Variants in DNAJB6 observed in about 807,000 individuals in gnomAD.
DNAJB6 encodes the protein dnaJ homolog subfamily B member 6.
DNAJB6 carries 16 observed loss-of-function variants against 42.7 expected under a neutral mutation model. That is an observed-to-expected ratio of 0.37 (90% CI 0.25 to 0.57). The LOEUF (loss-of-function observed/expected upper bound fraction) is 0.57. Among genes scored for constraint, DNAJB6 ranks in the 20% least tolerant of loss-of-function variants. The pLI is 0.74. For missense variants in DNAJB6, 347 were observed against 416.8 expected, an observed-to-expected ratio of 0.83 and a Z score of 1.46; for synonymous variants, 170 against 163.5, an observed-to-expected ratio of 1.04 and a Z score of -0.30.
intron 6 of DNAJB6, among the ~76,000 whole-genome samples, chr7:157,384,038 C>T (rs1800925072): frequency 6.6e-6 from 1 of 152,128 alleles, no homozygotes; most frequent in African/African-American, 2.4e-5. Flanking sequence ...AGTATCTGCG[C>T]TTAGATGATT....
Position 157,356,430 on chromosome 7 carries a change from C to T in DNAJB6, c.-26-2117C>T, listed in dbSNP as rs559518497. Among the ~76,000 whole-genome samples, 10 of 152,300 alleles carry T rather than the reference C, an allele frequency of 6.6e-5. 1 individual carries two copies. In the South Asian group the frequency reaches 1.0e-3, roughly 16 times the overall value. On this transcript the variant is annotated intron_variant, in intron 1 of 9. Coordinates refer to ENST00000262177, the MANE Select transcript of DNAJB6 (RefSeq NM_058246.4). ...AAGAAGATTGCGGTGTTCCTACTTA[C>T]GGGAGTCGACTCCTGTCTTTTCTCT...
chr7:157,379,352 A>G (rs1200727410), intron 5 of DNAJB6: 2 of 152,260 alleles, frequency 1.3e-5, no homozygotes, highest in African/African-American at 4.8e-5. Flanking sequence ...CCAATGTTTT[A>G]GCATTGATAA....
At chr7:157,341,266 A>T (rs1798365427) in intron 1 of DNAJB6, among the ~76,000 whole-genome samples, 1 of 151,982 alleles carries the variant, frequency 6.6e-6, no homozygotes, top group Non-Finnish European at 1.5e-5. Flanking sequence ...CTGTGATTAC[A>T]GGCACCTGCC....
At chr7:157,409,768 GCT>G (rs945781215) in intron 8 of DNAJB6, 25 bp from the exon 9 acceptor site, 51 of 1,502,970 alleles carry the variant, frequency 3.4e-5, no homozygotes, top group African/African-American at 5.6e-5. Flanking sequence ...CTCACTCACG[GCT>G]CTCTCTCTCC....
intron 8 of DNAJB6, among the ~76,000 whole-genome samples, chr7:157,386,711 CT>C (rs1801079133): frequency 6.6e-6 from 1 of 152,028 alleles, no homozygotes; most frequent in South Asian, 2.1e-4. Flanking sequence ...GGTGAAACCC[CT>C]GTCTCTACTA....
chr7:157,416,880 AAGG>A lies in DNAJB6; in HGVS notation c.*786_*788del, dbSNP rs1382670162. On this transcript the variant is annotated 3_prime_UTR_variant, in exon 10 of 10. Transcript: ENST00000262177. The stretch of plus-strand genomic sequence containing the variant: ...CGCGCAAAACACCCAGAGACGGCAC[AAGG>A]AGGTTGAACTCATGTTTCAGTTCGC... 4 of 152,232 alleles carry A rather than the reference AAGG, an allele frequency of 2.6e-5. No individual in the cohort carries two copies. The highest frequency in any genetic ancestry group is 1.5e-5 in the Non-Finnish European group (1 of 68,044). The allele number at this position is 152,232 out of a possible 1,614,324, so 9.4% of individuals were successfully genotyped here. A position where few individuals can be genotyped will look rare whatever the true frequency, so the allele number is the denominator to read the frequency against.
intron 8 of DNAJB6, among the ~76,000 whole-genome samples, chr7:157,389,591 T>C (rs1801239280): frequency 6.6e-6 from 1 of 152,232 alleles, no homozygotes. Flanking sequence ...TATTCCTAGC[T>C]GTTCTAGGGA....
intron 8 of DNAJB6, among the ~76,000 whole-genome samples, chr7:157,395,946 AAT>A (rs201900394): frequency 1.6e-3 from 60 of 38,240 alleles, no homozygotes; most frequent in African/African-American, 3.9e-3. Context: ...TTGAGCCTGT[AAT>A]TTTTTTTTTT....
At position 157,341,281 on chromosome 7, in the gene DNAJB6, C is replaced by A. The variant is rs1357598639; in HGVS notation, c.-27+4137C>A. Among the ~76,000 whole-genome samples the A allele has an allele frequency of 2.6e-5, 4 of 152,128 alleles. No individual in the cohort carries two copies. The South Asian group carries it at 6.2e-4, about 24-fold the overall frequency. On this transcript the variant is annotated intron_variant, in intron 1 of 9. Transcript: ENST00000262177. ...CTGTGATTACAGGCACCTGCCACTG[C>A]TCCCGACTGATTTTTGTATTTTTAG...
At chr7:157,382,550 T>C in intron 6 of DNAJB6, 173 bp downstream of exon 6, 1 of 439,368 alleles carries the variant, frequency 2.3e-6, no homozygotes, top group Non-Finnish European at 3.8e-6. Flanking sequence ...CTACATTTTC[T>C]CCTAATCTTC....
chr7:157,386,597 C>T (rs533090075), intron 8 of DNAJB6, among the ~76,000 whole-genome samples: 5 of 132,558 alleles, frequency 3.8e-5, no homozygotes, highest in Admixed American at 8.2e-5. Flanking sequence ...AGATCACTTA[C>T]GGATCCGGGC....
chr7:157,341,627 A>G (rs1043304860), intron 1 of DNAJB6, among the ~76,000 whole-genome samples: 2 of 152,214 alleles, frequency 1.3e-5, no homozygotes, highest in Non-Finnish European at 2.9e-5. Flanking sequence ...ACTGTGTACT[A>G]ATACTTATTC....
At chr7:157,350,664 C>T (rs772028149) in intron 1 of DNAJB6, among the ~76,000 whole-genome samples, 9 of 151,320 alleles carry the variant, frequency 5.9e-5, no homozygotes, top group Non-Finnish European at 1.2e-4. Flanking sequence ...GCACTTTTCT[C>T]GAAGTACTTG....
At position 157,384,971 on chromosome 7, in the gene DNAJB6, A is replaced by G. The variant is rs1185615542; in HGVS notation, c.583A>G (p.Thr195Ala). 3.1e-6 allele frequency: 5 copies of G among 1,614,136 alleles called. No homozygotes were observed. In the Admixed American group the frequency reaches 5.0e-5, roughly 16 times the overall value. ...CAACTTCAAATCGATATCAACTTCA[A>G]CTAAAATGGTTAATGGCAGAAAAAT... ...MGNFKSISTS[T>A]KMVNGRKITT... is the part of the protein sequence containing the mutation. The change falls in exon 7 of 10, where the codon ACT (threonine) becomes GCT (alanine). Residue 195 changes from threonine to alanine, a missense_variant. Thr to Ala is a moderately conservative substitution (Grantham distance 58, BLOSUM62 0). Transcript: ENST00000262177.
rs138246040 is a variant in DNAJB6, at chr7:157,376,916, G to C, written c.347-5330G>C. Among the ~76,000 whole-genome samples the C allele has an allele frequency of 7.9e-5, 12 of 152,226 alleles. No individual in the cohort carries two copies. In the East Asian group the frequency reaches 2.1e-3, roughly 27 times the overall value. ...CAAACAAAAAGAAATACATTGTTTT[G>C]GCCCAGAAAGGCAGGACAGCTCAAA... On this transcript the variant is annotated intron_variant, in intron 5 of 9. Transcript: ENST00000262177.
intron 1 of DNAJB6, among the ~76,000 whole-genome samples, chr7:157,339,465 T>A (rs1341309697): frequency 6.6e-6 from 1 of 151,052 alleles, no homozygotes; most frequent in Admixed American, 6.6e-5. Flanking sequence ...AGCCGGCTAA[T>A]TTTTTTGTAT....
chr7:157,406,369 G>C (rs1795767496), intron 8 of DNAJB6, among the ~76,000 whole-genome samples: 1 of 152,230 alleles, frequency 6.6e-6, no homozygotes, highest in African/African-American at 2.4e-5. Flanking sequence ...GGTTTCACAG[G>C]AACCTTGGGG....
chr7:157,355,350 T>C (rs185585970), intron 1 of DNAJB6, among the ~76,000 whole-genome samples: 4 of 152,262 alleles, frequency 2.6e-5, no homozygotes, highest in Admixed American at 1.3e-4. Context: ...TTAGTAGAGA[T>C]GGAGTTTCAC....
At chr7:157,344,948 C>T (rs1005933227) in intron 1 of DNAJB6, among the ~76,000 whole-genome samples, 3 of 152,054 alleles carry the variant, frequency 2.0e-5, no homozygotes, top group Admixed American at 6.6e-5. Flanking sequence ...ACAGCACTGT[C>T]ACTTTTATTT....
Sources: gnomAD v4.1 joint callset for allele counts (sites outside exome capture counted in the v4.1 genomes callset) on GRCh38, gnomAD v4.1.1 for gene constraint, MANE v1.5 for transcripts, NCBI Gene and HGNC (gene_info 2026-07-23, HGNC 2026-07-21) for gene names.